ARHGEF3: variants seen among roughly 807,000 people sequenced by gnomAD.
ARHGEF3 encodes the protein Rho guanine nucleotide exchange factor 3.
A neutral mutation model predicts 63.2 loss-of-function variants in ARHGEF3; 28 were observed. That is an observed-to-expected ratio of 0.44 (90% CI 0.33 to 0.61). The LOEUF (loss-of-function observed/expected upper bound fraction) is 0.61, where lower values mean the gene tolerates loss of function less well. ARHGEF3 is among the 20% of genes least tolerant of loss of function. ARHGEF3 has a pLI of 0.03. For synonymous variants in ARHGEF3, 266 were observed against 254.2 expected, an observed-to-expected ratio of 1.05 and a Z score of -0.44; for missense variants, 533 against 659.3, an observed-to-expected ratio of 0.81 and a Z score of 2.10.
intron 2 of ARHGEF3, among the ~76,000 whole-genome samples, chr3:57,000,310 C>CA (rs1560120499): frequency 0.031 from 4,320 of 139,142 alleles, 143 homozygotes; most frequent in African/African-American, 0.077. Context: ...AGGGTAACTC[C>CA]CACACACACA....
At chr3:56,986,777 G>T (rs1414154231) in intron 2 of ARHGEF3, among the ~76,000 whole-genome samples, 1 of 150,894 alleles carries the variant, frequency 6.6e-6, no homozygotes, top group Non-Finnish European at 1.5e-5. Flanking sequence ...AAGAAGTGGG[G>T]GCAGAAAAGA....
intron 1 of ARHGEF3, among the ~76,000 whole-genome samples, chr3:57,040,402 A>G (rs1704130617): frequency 6.6e-6 from 1 of 152,130 alleles, no homozygotes; most frequent in African/African-American, 2.4e-5. Context: ...ACTTGAACCC[A>G]GGAGATGGAG....
intron 4 of ARHGEF3, among the ~76,000 whole-genome samples, chr3:56,829,644 C>T (rs1342164492): frequency 6.6e-6 from 1 of 152,240 alleles, no homozygotes; most frequent in Admixed American, 6.5e-5. Context: ...CCTTGACACT[C>T]TTTTCTGTGG....
At chr3:56,918,079 G>C (rs779461865) in intron 3 of ARHGEF3, among the ~76,000 whole-genome samples, 2 of 152,226 alleles carry the variant, frequency 1.3e-5, no homozygotes, top group Non-Finnish European at 2.9e-5. Flanking sequence ...GGTAAGGGCA[G>C]GTATTCCTAA....
chr3:56,751,082 G>T lies in ARHGEF3; in HGVS notation c.586C>A (p.His196Asn). 6.2e-7 allele frequency: 1 copy of T among 1,614,072 alleles called. No homozygotes were observed. Among genetic ancestry groups the T allele is most frequent in the Non-Finnish European group, 8.5e-7 (1 of 1,179,990 alleles). ...DVRKPDGSTE[H>N]VGPILVGWLP... The stretch of plus-strand genomic sequence containing the variant: ...CAGCCCACGAGGATGGGACCAACAT[G>T]TTCAGTCGAGCCATCAGGCTTCCTA... Residue 196 changes from histidine to asparagine, a missense_variant, in exon 6 of 10, where the codon CAT becomes AAT. Transcript: ENST00000296315.
At position 56,870,561 on chromosome 3, in the gene ARHGEF3, T is replaced by C. The variant is rs145231311; in HGVS notation, c.192+11731A>G. Among the ~76,000 whole-genome samples, 749 of 152,320 alleles carry C rather than the reference T, an allele frequency of 4.9e-3. 3 individuals are homozygous for C. Among genetic ancestry groups the C allele is most frequent in the African/African-American group, 0.017 (714 of 41,566 alleles). ...ATGGTGGATATGTGTGATTACACTT[T>C]TGTACAAACCCATGGAATGTACAAA... On this transcript the variant is annotated intron_variant, in intron 4 of 12. Transcript: ENST00000338458.
chr3:56,955,724 A>T (rs183075275), intron 3 of ARHGEF3, among the ~76,000 whole-genome samples: 109 of 152,352 alleles, frequency 7.2e-4, no homozygotes, highest in Admixed American at 2.2e-3. Flanking sequence ...TTCATTACAG[A>T]AGATGTGTCA....
At chr3:57,009,172 C>G (rs902479123) in intron 2 of ARHGEF3, among the ~76,000 whole-genome samples, 1 of 152,242 alleles carries the variant, frequency 6.6e-6, no homozygotes, top group Non-Finnish European at 1.5e-5. Context: ...CTCCTCCCCA[C>G]CCCTGCCCTT....
At chr3:56,761,817 A>C (rs1459041447) in intron 2 of ARHGEF3, among the ~76,000 whole-genome samples, 1 of 152,172 alleles carries the variant, frequency 6.6e-6, no homozygotes, top group South Asian at 2.1e-4. Flanking sequence ...TCAGAATGAC[A>C]ATCCAAGTCT....
chr3:56,743,184 G>A (rs1330919237), intron 7 of ARHGEF3, among the ~76,000 whole-genome samples: 1 of 152,228 alleles, frequency 6.6e-6, no homozygotes, highest in Admixed American at 6.5e-5. Context: ...ATCTGTGCTG[G>A]ACTGGGGGCC....
At chr3:56,733,765 C>T (rs2033388408) in intron 8 of ARHGEF3, among the ~76,000 whole-genome samples, 2 of 151,942 alleles carry the variant, frequency 1.3e-5, no homozygotes, top group African/African-American at 2.4e-5. Context: ...GGGCGGATCA[C>T]CTGAGGTCAG....
chr3:57,064,974 C>T (rs1034873750), intron 1 of ARHGEF3, among the ~76,000 whole-genome samples: 4 of 152,054 alleles, frequency 2.6e-5, no homozygotes, highest in East Asian at 1.9e-4. Context: ...CAATAGAAGG[C>T]AAAAAATTAG....
At chr3:56,995,668 A>AGAGAGAGAGG (rs1560116656) in intron 2 of ARHGEF3, among the ~76,000 whole-genome samples, 121 of 133,194 alleles carry the variant, frequency 9.1e-4, no homozygotes, top group Non-Finnish European at 1.7e-3. Context: ...AGAGAGAGAG[A>AGAGAGAGAGG]GAGAATTTTT....
intron 2 of ARHGEF3, among the ~76,000 whole-genome samples, chr3:57,023,095 C>T (rs1370305742): frequency 6.6e-6 from 1 of 152,226 alleles, no homozygotes; most frequent in African/African-American, 2.4e-5. Context: ...AATGCCACTT[C>T]ACACATCTGT....
At chr3:56,858,947 C>T (rs1032818156) in intron 4 of ARHGEF3, among the ~76,000 whole-genome samples, 4 of 152,020 alleles carry the variant, frequency 2.6e-5, no homozygotes, top group African/African-American at 7.2e-5. Flanking sequence ...CCTGCTGAAC[C>T]CTATGGACCT....
intron 3 of ARHGEF3, among the ~76,000 whole-genome samples, chr3:56,886,313 T>C (rs530134923): frequency 1.1e-4 from 16 of 152,324 alleles, no homozygotes; most frequent in African/African-American, 3.8e-4. Flanking sequence ...TTCTGGATTT[T>C]GTTGATCCTC....
chr3:56,842,110 C>A (rs778030047), intron 4 of ARHGEF3, among the ~76,000 whole-genome samples: 3 of 152,070 alleles, frequency 2.0e-5, no homozygotes, highest in Non-Finnish European at 2.9e-5. Flanking sequence ...TCTCGGTTAC[C>A]AAGTTAGTTA....
At chr3:56,800,071 A>G (rs2037565504) in intron 1 of ARHGEF3, among the ~76,000 whole-genome samples, 1 of 152,230 alleles carries the variant, frequency 6.6e-6, no homozygotes, top group Admixed American at 6.5e-5. Flanking sequence ...AGACATATCT[A>G]TATTCTATGT....
At chr3:57,003,851 C>A (rs1196298081) in intron 2 of ARHGEF3, among the ~76,000 whole-genome samples, 1 of 152,246 alleles carries the variant, frequency 6.6e-6, no homozygotes, top group Admixed American at 6.5e-5. Flanking sequence ...GAAACCGATC[C>A]TTCCCTATGG....
Sources: allele counts gnomAD v4.1 joint callset (sites outside exome capture counted in the v4.1 genomes callset), GRCh38; gene constraint gnomAD v4.1.1; transcripts MANE v1.5; gene names NCBI Gene and HGNC (gene_info 2026-07-23, HGNC 2026-07-21).